Variants in MICAL2 observed in about 807,000 individuals in gnomAD.
MICAL2 encodes the protein [F-actin]-monooxygenase MICAL2.
Under a neutral mutation model 127.3 loss-of-function variants are expected in MICAL2, and 77 were observed. The observed-to-expected ratio is 0.60, with a 90% CI of 0.50 to 0.73. The LOEUF is 0.73. Ranked by LOEUF, MICAL2 falls within the 30% of genes least tolerant of loss-of-function variation. The pLI is 0.00. For missense variants in MICAL2, 1,351 were observed against 1,434.4 expected, an observed-to-expected ratio of 0.94 and a Z score of 0.94; for synonymous variants, 570 against 551.1, an observed-to-expected ratio of 1.03 and a Z score of -0.48.
At chr11:12,251,001 CAGTGCTACTCAA>C (rs1388310886) in intron 22 of MICAL2, among the ~76,000 whole-genome samples, 1 of 152,138 alleles carries the variant, frequency 6.6e-6, no homozygotes, top group Non-Finnish European at 1.5e-5. Flanking sequence ...AGAACCTGAG[CAGTGCTACTCAA>C]AGTGTGGGCC....
At chr11:12,166,218 G>A (rs1855495597) in intron 3 of MICAL2, among the ~76,000 whole-genome samples, 2 of 152,204 alleles carry the variant, frequency 1.3e-5, no homozygotes, top group Admixed American at 1.3e-4. Context: ...TGCAATCTCT[G>A]CATTTAACAG....
chr11:12,205,998 A>T (rs1854633764), intron 4 of MICAL2, among the ~76,000 whole-genome samples: 1 of 152,232 alleles, frequency 6.6e-6, no homozygotes, highest in African/African-American at 2.4e-5. Flanking sequence ...GGTATAATTT[A>T]TTCAGACACA....
rs56280931 is a variant in MICAL2, at chr11:12,116,351, A to AT, written c.-149+5651dup. 1.6e-4 allele frequency among the ~76,000 whole-genome samples: 17 copies of AT among 107,732 alleles called. No individual in the cohort carries two copies. The South Asian group carries it at 1.9e-3, about 12-fold the overall frequency. The allele number at this position is 107,732 out of a possible 152,430, so 70.7% of individuals were successfully genotyped here. A position where few individuals can be genotyped will look rare whatever the true frequency, so the allele number is the denominator to read the frequency against. ...TTCTAATGTTAGGCTCTTGATTTTGATTTTTTTTTTTTTTTTTTTTTTTTT... is the reference window on the plus strand; with the variant it reads ...TTCTAATGTTAGGCTCTTGATTTTGATTTTTTTTTTTTTTTTTTTTTTTTTT... On this transcript the variant is annotated intron_variant, in intron 1 of 27. Transcript: ENST00000683283.
At chr11:12,357,544 T>A (rs1329443569) in intron 34 of MICAL2, among the ~76,000 whole-genome samples, 1 of 152,160 alleles carries the variant, frequency 6.6e-6, no homozygotes, top group Non-Finnish European at 1.5e-5. Context: ...TAACTACACA[T>A]GAAAAAGATT....
At chr11:12,205,370 G>GT (rs1854547611) in intron 4 of MICAL2, among the ~76,000 whole-genome samples, 1 of 152,112 alleles carries the variant, frequency 6.6e-6, no homozygotes, top group Non-Finnish European at 1.5e-5. Flanking sequence ...CTTATACATG[G>GT]TTTTTTTCAA....
At chr11:12,257,367 T>C (rs188028508) in intron 24 of MICAL2, 75 of 177,338 alleles carry the variant, frequency 4.2e-4, no homozygotes, top group Non-Finnish European at 7.4e-4. Flanking sequence ...GCAATGTTAA[T>C]ATTACTTACA....
chr11:12,201,935 A>G (rs1854051656), intron 3 of MICAL2, among the ~76,000 whole-genome samples: 2 of 152,318 alleles, frequency 1.3e-5, no homozygotes, highest in South Asian at 4.1e-4. Flanking sequence ...CCTGACCAAC[A>G]TGGAAAAACC....
At chr11:12,289,083 C>T (rs1184727576), downstream of MICAL2, among the ~76,000 whole-genome samples, 2 of 152,202 alleles carry the variant, frequency 1.3e-5, no homozygotes, top group African/African-American at 4.8e-5. Flanking sequence ...TGGGCACCCT[C>T]CCCAGCTGAT....
At chr11:12,173,823 G>T (rs951899027) in intron 3 of MICAL2, among the ~76,000 whole-genome samples, 1 of 152,062 alleles carries the variant, frequency 6.6e-6, no homozygotes. Context: ...ATTTCACTTA[G>T]CATAATATTT....
Position 12,302,695 on chromosome 11 carries a change from C to G in MICAL2, c.5212+7838C>G, listed in dbSNP as rs78095575. Reference sequence around the variant, plus strand: ...ACCTTTTTTTTTTAAGAGACAGTGTCTCTAATAAAAGCCTGGGAATGCAGT... The same window carrying G: ...ACCTTTTTTTTTTAAGAGACAGTGTGTCTAATAAAAGCCTGGGAATGCAGT... On this transcript the variant is annotated intron_variant, in intron 29 of 34. Transcript: ENST00000646065. 3.0e-3 allele frequency among the ~76,000 whole-genome samples: 448 copies of G among 151,810 alleles called. 1 individual carries two copies. The highest frequency in any genetic ancestry group is 0.01 in the African/African-American group (419 of 41,382).
intron 23 of MICAL2, chr11:12,256,446 T>A (rs954481610): frequency 5.0e-6 from 1 of 198,346 alleles, no homozygotes; most frequent in African/African-American, 2.3e-5. Context: ...GGAAAGAATA[T>A]CCTGGGGTGG....
chr11:12,285,403 G>T (rs73420373), intron 2 of MICAL2, among the ~76,000 whole-genome samples: 4,989 of 152,266 alleles, frequency 0.033, 104 homozygotes, highest in East Asian at 0.071. Context: ...TGTTAGTCCT[G>T]CAAAGGCAGT....
At chr11:12,270,455 C>A (rs1863662611) in intron 24 of MICAL2, among the ~76,000 whole-genome samples, 1 of 152,222 alleles carries the variant, frequency 6.6e-6, no homozygotes, top group Admixed American at 6.5e-5. Flanking sequence ...CCCTGCCTTG[C>A]AGCAGTGGCA....
intron 8 of MICAL2, among the ~76,000 whole-genome samples, chr11:12,217,316 G>C (rs945719703): frequency 6.6e-6 from 1 of 152,150 alleles, no homozygotes; most frequent in African/African-American, 2.4e-5. Flanking sequence ...CAGCCGTCTG[G>C]GTGGCATTAG....
chr11:12,220,628 C>T (rs1430952761), intron 9 of MICAL2, among the ~76,000 whole-genome samples, 170 bp downstream of exon 9: 2 of 152,260 alleles, frequency 1.3e-5, no homozygotes, highest in South Asian at 2.1e-4. Flanking sequence ...TTGCTGCACT[C>T]AGAGGAGCCT....
chr11:12,223,746 A>G (rs964408728), intron 12 of MICAL2, among the ~76,000 whole-genome samples: 2 of 152,242 alleles, frequency 1.3e-5, no homozygotes, highest in Non-Finnish European at 2.9e-5. Flanking sequence ...AGCTTCACAC[A>G]GTAAACATGA....
At chr11:12,262,278 A>G (rs111506440) in intron 26 of MICAL2, 10 of 1,427,226 alleles carry the variant, frequency 7.0e-6, no homozygotes, top group African/African-American at 5.7e-5. Context: ...CACTCTCGTA[A>G]ACAAGTAGCT....
At chr11:12,258,402 TTTTGTC>T in intron 24 of MICAL2, 60 bp from the exon 25 acceptor site, 1 of 1,284,020 alleles carries the variant, frequency 7.8e-7, no homozygotes, top group South Asian at 1.2e-5. Flanking sequence ...GGCACTTGGC[TTTTGTC>T]TACTTAGCTC....
At chr11:12,314,704 T>C (rs1864214644) in intron 29 of MICAL2, among the ~76,000 whole-genome samples, 1 of 148,112 alleles carries the variant, frequency 6.8e-6, no homozygotes. Context: ...GCCAGGATGG[T>C]CTCGATCTCC....
Sources: gnomAD v4.1 joint callset for allele counts (sites outside exome capture counted in the v4.1 genomes callset) on GRCh38, gnomAD v4.1.1 for gene constraint, MANE v1.5 for transcripts, NCBI Gene and HGNC (gene_info 2026-07-23, HGNC 2026-07-21) for gene names.